PELI1: variants seen among roughly 807,000 people sequenced by gnomAD.
PELI1 encodes the protein pellino E3 ubiquitin protein ligase 1, also known as E3 ubiquitin-protein ligase pellino homolog 1.
In PELI1, 15 loss-of-function variants were observed where a neutral mutation model predicts 41.3. The ratio of observed to expected loss-of-function variants is 0.36; its 90% confidence interval spans 0.24 to 0.56. PELI1 has a LOEUF of 0.56. PELI1 is among the 20% of genes least tolerant of loss of function. PELI1 has a pLI of 0.82. For missense variants in PELI1, 403 were observed against 525.5 expected (o/e 0.77, Z 2.28); for synonymous variants, 178 against 180.1 (o/e 0.99, Z 0.09).
intron 1 of PELI1, among the ~76,000 whole-genome samples, chr2:64,118,520 T>G (rs2103712148): frequency 6.6e-6 from 1 of 152,332 alleles, no homozygotes; most frequent in East Asian, 1.9e-4. Flanking sequence ...TTTCTTCTGG[T>G]GAAAATAAAA....
At chr2:64,114,490 A>G (rs1161838138) in intron 1 of PELI1, among the ~76,000 whole-genome samples, 1 of 152,214 alleles carries the variant, frequency 6.6e-6, no homozygotes, top group Non-Finnish European at 1.5e-5. Context: ...ACAGCAGTGG[A>G]GGAAGTGAAG....
chr2:64,123,189 A>G (rs1681279265), intron 1 of PELI1, among the ~76,000 whole-genome samples: 1 of 152,360 alleles, frequency 6.6e-6, no homozygotes, highest in Non-Finnish European at 1.5e-5. Flanking sequence ...ATTTTATACC[A>G]CAAAGAAAAA....
intron 4 of PELI1, among the ~76,000 whole-genome samples, chr2:64,098,813 G>A (rs1011900518): frequency 1.3e-5 from 2 of 152,192 alleles, no homozygotes; most frequent in Non-Finnish European, 2.9e-5. Flanking sequence ...TATCAAGGTA[G>A]TTTCTGATAC....
At chr2:64,125,161 T>C (rs532484735) in intron 1 of PELI1, among the ~76,000 whole-genome samples, 22 of 152,222 alleles carry the variant, frequency 1.4e-4, no homozygotes, top group Admixed American at 3.9e-4. Flanking sequence ...TCCCAGCAAC[T>C]TGATGTGTTC....
chr2:64,104,533 A>G (rs1680554504), intron 3 of PELI1, 168 bp downstream of exon 3: 3 of 1,061,774 alleles, frequency 2.8e-6, no homozygotes, highest in East Asian at 5.8e-5. Flanking sequence ...TTCCCCTTCC[A>G]TATGGCAGCT....
intron 4 of PELI1, among the ~76,000 whole-genome samples, chr2:64,097,437 G>A (rs1680279963): frequency 6.6e-6 from 1 of 152,128 alleles, no homozygotes; most frequent in Non-Finnish European, 1.5e-5. Context: ...TGGTTCTTAG[G>A]GATATTTCAG....
At chr2:64,121,829 C>T (rs892577752) in intron 1 of PELI1, among the ~76,000 whole-genome samples, 4 of 150,612 alleles carry the variant, frequency 2.7e-5, no homozygotes, top group African/African-American at 7.3e-5. Context: ...AGCTTGAACC[C>T]GGGAGGCGGA....
intron 1 of PELI1, among the ~76,000 whole-genome samples, chr2:64,127,962 C>G (rs1681442634): frequency 6.6e-6 from 1 of 152,198 alleles, no homozygotes; most frequent in Non-Finnish European, 1.5e-5. Flanking sequence ...ATAATTTAGT[C>G]TAAGTCCTTC....
intron 1 of PELI1, among the ~76,000 whole-genome samples, chr2:64,137,482 T>C (rs1158500873): frequency 6.6e-6 from 1 of 151,996 alleles, no homozygotes; most frequent in Non-Finnish European, 1.5e-5. Flanking sequence ...TATGATCTTG[T>C]ATGTGTGTGT....
chr2:64,122,854 T>G (rs946190982), intron 1 of PELI1, among the ~76,000 whole-genome samples: 1 of 152,226 alleles, frequency 6.6e-6, no homozygotes, highest in Non-Finnish European at 1.5e-5. Flanking sequence ...TATAATTACA[T>G]TTTAAAGCTG....
At chr2:64,117,280 G>T (rs1363648948) in intron 1 of PELI1, among the ~76,000 whole-genome samples, 1 of 151,520 alleles carries the variant, frequency 6.6e-6, no homozygotes, top group African/African-American at 2.4e-5. Context: ...ATATTTTTCA[G>T]TATCTTAAGA....
chr2:64,117,999 C>T (rs368046614), intron 1 of PELI1, among the ~76,000 whole-genome samples: 28 of 152,066 alleles, frequency 1.8e-4, no homozygotes, highest in African/African-American at 5.3e-4. Context: ...TTAGTAGAGA[C>T]GGGATTTCAC....
At position 64,104,746 on chromosome 2, in the gene PELI1, C is replaced by T; in HGVS notation, c.156G>A (p.Val52=). ...ALFKRPKANG[V]KPSTVHIACT... Reference sequence around the variant, plus strand: ...AAGCAATATGCACAGTGCTGGGCTTCACCCCATTTGCCTTAGGTCTTTTAA... The same window carrying T: ...AAGCAATATGCACAGTGCTGGGCTTTACCCCATTTGCCTTAGGTCTTTTAA... Residue 52 remains valine (V), a synonymous_variant, in exon 3 of 7, where the codon GTG becomes GTA. Transcript: ENST00000358912. 6.2e-7 allele frequency: 1 copy of T among 1,611,170 alleles called. No homozygotes were observed. The highest frequency in any genetic ancestry group is 8.5e-7 in the Non-Finnish European group (1 of 1,179,340).
chr2:64,124,664 T>C (rs1333003756), intron 1 of PELI1, among the ~76,000 whole-genome samples: 2 of 152,244 alleles, frequency 1.3e-5, no homozygotes, highest in Admixed American at 1.3e-4. Context: ...CAGACTAGCT[T>C]TAATCATAAA....
At chr2:64,097,357 TCTA>T (rs1680277048) in intron 4 of PELI1, among the ~76,000 whole-genome samples, 1 of 152,192 alleles carries the variant, frequency 6.6e-6, no homozygotes, top group African/African-American at 2.4e-5. Flanking sequence ...TAAGGGATCC[TCTA>T]GGGAGAATAG....
At position 64,096,185 on chromosome 2, in the gene PELI1, C is replaced by T. The variant is rs372038707; in HGVS notation, c.630G>A (p.Ser210=). The T allele has an allele frequency of 5.7e-5, 92 of 1,614,018 alleles. No homozygotes were observed. The highest frequency in any genetic ancestry group is 2.5e-4 in the Admixed American group (15 of 60,018). The change falls in exon 6 of 7, where the codon TCG becomes TCA. Residue 210 remains serine (S), a synonymous_variant. Transcript: ENST00000358912. ...GTAGGCTAAATACATTTCCACACAC[C>T]GATATTTCTCTCCATATTCCAGGCT... The part of the protein sequence containing the change: ...DSKPGIWREI[S]VCGNVFSLRE...
intron 1 of PELI1, among the ~76,000 whole-genome samples, chr2:64,111,042 T>G (rs1680792741): frequency 6.6e-6 from 1 of 152,116 alleles, no homozygotes; most frequent in South Asian, 2.1e-4. Context: ...TTTTTCATCC[T>G]CAGTTTAATG....
intron 3 of PELI1, among the ~76,000 whole-genome samples, chr2:64,102,549 C>CT (rs1361230174): frequency 6.6e-6 from 1 of 152,110 alleles, no homozygotes; most frequent in Non-Finnish European, 1.5e-5. Flanking sequence ...AAACAGCTCA[C>CT]TTTTCAATGA....
At chr2:64,130,429 T>C (rs768325473) in intron 1 of PELI1, among the ~76,000 whole-genome samples, 3 of 152,234 alleles carry the variant, frequency 2.0e-5, no homozygotes, top group Non-Finnish European at 4.4e-5. Context: ...GCCCATTTGA[T>C]GTTCTTTTCC....
Sources: allele counts gnomAD v4.1 joint callset (sites outside exome capture counted in the v4.1 genomes callset), GRCh38; gene constraint gnomAD v4.1.1; transcripts MANE v1.5; gene names NCBI Gene and HGNC (gene_info 2026-07-23, HGNC 2026-07-21).